Variants in HS6ST2 observed in about 807,000 individuals in gnomAD.
The protein encoded by HS6ST2 is heparan-sulfate 6-O-sulfotransferase 2.
Under a neutral mutation model 33.0 loss-of-function variants are expected in HS6ST2, and 17 were observed. That is an observed-to-expected ratio of 0.52 (90% confidence interval 0.35 to 0.77). The LOEUF is 0.77. HS6ST2 is among the 30% of genes least tolerant of loss of function. HS6ST2 has a pLI of 0.01. For synonymous variants in HS6ST2, 248 were observed against 237.1 expected (o/e 1.05, Z -0.42); for missense variants, 519 against 551.7 (o/e 0.94, Z 0.59).
At chrX:132,765,450 T>C (rs1467672056) in intron 2 of HS6ST2, among the ~76,000 whole-genome samples, 4 of 111,917 alleles carry the variant, frequency 3.6e-5, no homozygotes, top group African/African-American at 1.3e-4. Context: ...ATAGATTTAT[T>C]TCTATTTTTT....
intron 2 of HS6ST2, among the ~76,000 whole-genome samples, chrX:132,885,985 A>G (rs2148446510): frequency 9.0e-6 from 1 of 111,681 alleles, no homozygotes; most frequent in South Asian, 3.8e-4. Context: ...CAGAATCCAT[A>G]GTTGCTACAA....
chrX:132,826,579 A>T (rs1174317688), intron 2 of HS6ST2, among the ~76,000 whole-genome samples: 1 of 110,503 alleles, frequency 9.0e-6, no homozygotes, highest in Admixed American at 9.7e-5. Flanking sequence ...ACTACTAAAA[A>T]ACTTTAAAAT....
At chrX:132,960,864 G>T (rs2067137106), upstream of HS6ST2, among the ~76,000 whole-genome samples, 1 of 111,787 alleles carries the variant, frequency 8.9e-6, no homozygotes, top group South Asian at 3.8e-4. Context: ...AACAGTCTTT[G>T]TGGGGAGCAG....
At chrX:132,955,871 T>A (rs2067064103) in intron 2 of HS6ST2, among the ~76,000 whole-genome samples, 1 of 112,811 alleles carries the variant, frequency 8.9e-6, no homozygotes, top group South Asian at 3.7e-4. Context: ...TTTTACCGCA[T>A]CAGCCCAGGC....
At chrX:132,710,219 G>A (rs2064219642) in intron 2 of HS6ST2, among the ~76,000 whole-genome samples, 1 of 110,441 alleles carries the variant, frequency 9.1e-6, no homozygotes, top group African/African-American at 3.3e-5. Flanking sequence ...TCAAAAGGGT[G>A]GCCAGTCATC....
At chrX:132,798,566 CA>C (rs1003188398) in intron 2 of HS6ST2, among the ~76,000 whole-genome samples, 2 of 111,182 alleles carry the variant, frequency 1.8e-5, no homozygotes, top group South Asian at 3.8e-4. Flanking sequence ...TGCTATTTTA[CA>C]AAAAAAGTCC....
intron 2 of HS6ST2, among the ~76,000 whole-genome samples, chrX:132,854,737 T>C (rs2065836302): frequency 8.9e-6 from 1 of 112,543 alleles, no homozygotes; most frequent in Non-Finnish European, 1.9e-5. Context: ...TTTTAAGTGC[T>C]CATTGTGAGA....
At chrX:132,933,051 G>A (rs1232053087) in intron 2 of HS6ST2, among the ~76,000 whole-genome samples, 1 of 109,801 alleles carries the variant, frequency 9.1e-6, no homozygotes, top group East Asian at 2.8e-4. Context: ...CAAGGGCTGG[G>A]TGCAGTGGCT....
chrX:132,958,579 GA>G lies in HS6ST2; in HGVS notation c.23del (p.Val8AlafsTer27), dbSNP rs750023244. 2.4e-3 allele frequency: 2,849 copies of G among 1,178,454 alleles called. 4 individuals carry two copies. Among genetic ancestry groups the G allele is most frequent in the Middle Eastern group, 4.7e-3 (20 of 4,236 alleles). On this transcript the variant is annotated frameshift_variant, in exon 1 of 5. Transcript: ENST00000370833. LOFTEE classifies it high-confidence loss of function. Reference protein sequence around the residue: MALPACAVREFEPPRQPE... With the variant: MALPACAXREFEPPRQPE... ...GTTGCCGCGGCGGCTCGAACTCCCG[GA>G]CTGCACACGCAGGCAGTGCCATTCC... is the stretch of plus-strand genomic sequence containing the variant.
chrX:132,777,916 T>C (rs192305951), intron 2 of HS6ST2, among the ~76,000 whole-genome samples: 22 of 112,244 alleles, frequency 2.0e-4, no homozygotes, highest in African/African-American at 7.1e-4. Context: ...GTTCTCAGTC[T>C]TTCATGTTCC....
intron 2 of HS6ST2, among the ~76,000 whole-genome samples, chrX:132,791,256 T>C (rs1263888571): frequency 1.8e-5 from 2 of 112,462 alleles, no homozygotes; most frequent in South Asian, 3.7e-4. Context: ...TAATATATTC[T>C]GGGAACCACC....
chrX:132,848,227 T>C (rs1291764057), intron 2 of HS6ST2, among the ~76,000 whole-genome samples: 1 of 111,977 alleles, frequency 8.9e-6, no homozygotes, highest in African/African-American at 3.2e-5. Context: ...GTTCTCACTG[T>C]TCCTTTGAAA....
intron 2 of HS6ST2, among the ~76,000 whole-genome samples, chrX:132,723,896 G>A (rs180722528): frequency 1.2e-3 from 132 of 111,670 alleles, no homozygotes; most frequent in Non-Finnish European, 2.1e-3. Flanking sequence ...CAGCACTTTG[G>A]GAGGCCGAGG....
intron 2 of HS6ST2, among the ~76,000 whole-genome samples, chrX:132,810,002 C>T (rs191277371): frequency 2.7e-5 from 3 of 111,869 alleles, no homozygotes; most frequent in Non-Finnish European, 5.6e-5. Flanking sequence ...TAAGTGCTCC[C>T]TTCCCCACTG....
intron 2 of HS6ST2, among the ~76,000 whole-genome samples, chrX:132,753,333 C>T (rs1023235563): frequency 1.8e-5 from 2 of 111,674 alleles, no homozygotes; most frequent in African/African-American, 6.5e-5. Context: ...AAAGAGAATG[C>T]AGTGTGTACA....
chrX:132,752,533 A>ACT (rs2064716773), intron 2 of HS6ST2, among the ~76,000 whole-genome samples: 1 of 110,223 alleles, frequency 9.1e-6, no homozygotes, highest in South Asian at 3.9e-4. Flanking sequence ...TTCCAATGAG[A>ACT]CTCAGACTGC....
chrX:132,720,157 G>A (rs1022175117), intron 2 of HS6ST2, among the ~76,000 whole-genome samples: 5 of 112,417 alleles, frequency 4.4e-5, no homozygotes, highest in African/African-American at 1.6e-4. Flanking sequence ...TAGTGGGGAC[G>A]GCCCCTGGAG....
intron 2 of HS6ST2, among the ~76,000 whole-genome samples, chrX:132,737,884 G>T (rs1445285887): frequency 8.9e-6 from 1 of 112,474 alleles, no homozygotes; most frequent in East Asian, 2.8e-4. Context: ...GTTCCTGGAA[G>T]TAGGTGCCTC....
chrX:132,898,766 A>G (rs2066401862), intron 2 of HS6ST2, among the ~76,000 whole-genome samples: 1 of 110,847 alleles, frequency 9.0e-6, no homozygotes, highest in Non-Finnish European at 1.9e-5. Flanking sequence ...CAAAATAATT[A>G]AAACTTGTGG....
Sources: gnomAD v4.1 joint callset for allele counts (sites outside exome capture counted in the v4.1 genomes callset) on GRCh38, gnomAD v4.1.1 for gene constraint, MANE v1.5 for transcripts, NCBI Gene and HGNC (gene_info 2026-07-23, HGNC 2026-07-21) for gene names.